GNA14: variants seen among roughly 807,000 people sequenced by gnomAD.
GNA14 encodes the protein G protein subunit alpha 14, also known as guanine nucleotide-binding protein subunit alpha-14.
In GNA14, 50 loss-of-function variants were observed where a neutral mutation model predicts 42.0. The observed-to-expected ratio is 1.19, with a 90% CI of 0.95 to 1.51. The LOEUF is 1.51. Among genes scored for constraint, GNA14 ranks in the 40% most tolerant of loss-of-function variants. The pLI is 0.00. For missense variants in GNA14, 473 were observed against 446.2 expected (o/e 1.06, Z -0.54); for synonymous variants, 173 against 163.1 (o/e 1.06, Z -0.46).
intron 1 of GNA14, among the ~76,000 whole-genome samples, chr9:77,613,415 T>TA (rs1182156564): frequency 3.9e-5 from 6 of 152,176 alleles, no homozygotes; most frequent in South Asian, 2.1e-4. Context: ...AAATGACAGT[T>TA]AAAGGATACG....
At position 77,500,538 on chromosome 9, in the gene GNA14, T is replaced by C. The variant is rs1017838575; in HGVS notation, c.309+28531A>G. Among the ~76,000 whole-genome samples, 7 of 152,260 alleles carry C rather than the reference T, an allele frequency of 4.6e-5. No individual in the cohort carries two copies. In the East Asian group the frequency reaches 1.2e-3, roughly 25 times the overall value. ...CATTGACATGAGTACAGTCAAGATA[T>C]AGAACATTTCTGCCACCACAGAATC... is the stretch of plus-strand genomic sequence containing the variant. On this transcript the variant is annotated intron_variant, in intron 2 of 6. Transcript: ENST00000341700.
At chr9:77,500,827 A>G (rs1440574093) in intron 2 of GNA14, among the ~76,000 whole-genome samples, 1 of 152,236 alleles carries the variant, frequency 6.6e-6, no homozygotes, top group African/African-American at 2.4e-5. Flanking sequence ...TAAGATACTC[A>G]AGGTGTTCCC....
chr9:77,461,782 T>C (rs1002968505), intron 2 of GNA14, among the ~76,000 whole-genome samples: 1 of 152,112 alleles, frequency 6.6e-6, no homozygotes, highest in African/African-American at 2.4e-5. Flanking sequence ...GCAAACCGTC[T>C]TTCCCTAAAA....
At chr9:77,622,278 C>T (rs1823938654) in intron 1 of GNA14, among the ~76,000 whole-genome samples, 1 of 152,188 alleles carries the variant, frequency 6.6e-6, no homozygotes, top group South Asian at 2.1e-4. Context: ...TCATATCTCT[C>T]ACCTCTTGAA....
chr9:77,543,797 T>C (rs1162100821), intron 1 of GNA14, among the ~76,000 whole-genome samples: 1 of 152,188 alleles, frequency 6.6e-6, no homozygotes, highest in East Asian at 1.9e-4. Context: ...CCACGATGTA[T>C]TTAAAGTGTG....
At chr9:77,593,730 C>A (rs1823423463) in intron 1 of GNA14, among the ~76,000 whole-genome samples, 1 of 152,334 alleles carries the variant, frequency 6.6e-6, no homozygotes, top group Admixed American at 6.5e-5. Flanking sequence ...GCTGTCACAA[C>A]ACATCCTGCA....
At chr9:77,436,923 G>A (rs1295133341) in intron 2 of GNA14, among the ~76,000 whole-genome samples, 5 of 152,196 alleles carry the variant, frequency 3.3e-5, no homozygotes, top group East Asian at 1.9e-4. Flanking sequence ...GTGGGAAGAC[G>A]GAAGCCCGTG....
intron 1 of GNA14, among the ~76,000 whole-genome samples, chr9:77,583,851 C>T (rs766888563): frequency 4.6e-5 from 7 of 152,148 alleles, no homozygotes; most frequent in Non-Finnish European, 1.0e-4. Context: ...TGCCTCAGCT[C>T]GGAGGACCAC....
chr9:77,523,312 C>A (rs1240177181), intron 2 of GNA14, among the ~76,000 whole-genome samples: 1 of 152,166 alleles, frequency 6.6e-6, no homozygotes, highest in Non-Finnish European at 1.5e-5. Context: ...CCTCAGGAAA[C>A]TTACAATCAT....
At chr9:77,545,553 T>C (rs7025796) in intron 1 of GNA14, among the ~76,000 whole-genome samples, 7,672 of 152,212 alleles carry the variant, frequency 0.05, 587 homozygotes, top group African/African-American at 0.17. Flanking sequence ...CAGCAGGATA[T>C]TGGAAACATA....
chr9:77,642,743 T>C (rs1217032358), intron 1 of GNA14, among the ~76,000 whole-genome samples: 2 of 152,200 alleles, frequency 1.3e-5, no homozygotes, highest in South Asian at 2.1e-4. Context: ...CACTCCAGCC[T>C]GAGCAACAGA....
chr9:77,603,511 A>G (rs1823599698), intron 1 of GNA14, among the ~76,000 whole-genome samples: 1 of 152,204 alleles, frequency 6.6e-6, no homozygotes, highest in Admixed American at 6.5e-5. Flanking sequence ...ATAGAAAGAG[A>G]CATCATTTGC....
chr9:77,435,370 ATAT>A (rs1835626569), intron 2 of GNA14, among the ~76,000 whole-genome samples: 1 of 151,954 alleles, frequency 6.6e-6, no homozygotes. Context: ...AAAAAAAAAT[ATAT>A]TAATAATAAT....
chr9:77,619,669 T>G (rs1203733662), intron 1 of GNA14, among the ~76,000 whole-genome samples: 2 of 152,156 alleles, frequency 1.3e-5, no homozygotes. Flanking sequence ...CCACAACAAC[T>G]TGCAAGGATG....
At chr9:77,643,618 G>A (rs888036715) in intron 1 of GNA14, among the ~76,000 whole-genome samples, 1 of 152,150 alleles carries the variant, frequency 6.6e-6, no homozygotes, top group Non-Finnish European at 1.5e-5. Context: ...GAACATGATG[G>A]CTAATTCTGA....
chr9:77,558,525 C>G (rs1212502497), intron 1 of GNA14, among the ~76,000 whole-genome samples: 1 of 152,142 alleles, frequency 6.6e-6, no homozygotes, highest in Non-Finnish European at 1.5e-5. Flanking sequence ...CCATATGACA[C>G]AGCAAAGCCA....
At chr9:77,622,987 A>G (rs12352765) in intron 1 of GNA14, among the ~76,000 whole-genome samples, 2,566 of 150,980 alleles carry the variant, frequency 0.017, 88 homozygotes, top group African/African-American at 0.059. Flanking sequence ...GGCCAAGATG[A>G]GCGGATCACC....
At chr9:77,541,452 G>A (rs1837660669) in intron 1 of GNA14, among the ~76,000 whole-genome samples, 1 of 151,962 alleles carries the variant, frequency 6.6e-6, no homozygotes, top group African/African-American at 2.4e-5. Flanking sequence ...CTTTTCTTGT[G>A]CTGTTGTTAG....
At chr9:77,532,803 G>A (rs1461996245) in intron 1 of GNA14, among the ~76,000 whole-genome samples, 1 of 152,128 alleles carries the variant, frequency 6.6e-6, no homozygotes, top group Admixed American at 6.5e-5. Context: ...TGCATGTGCT[G>A]GTGGAGGGTC....
Sources: allele counts gnomAD v4.1 joint callset (sites outside exome capture counted in the v4.1 genomes callset), GRCh38; gene constraint gnomAD v4.1.1; transcripts MANE v1.5; gene names NCBI Gene and HGNC (gene_info 2026-07-23, HGNC 2026-07-21).